Variants in ALG5 observed in about 807,000 individuals in gnomAD.
ALG5 encodes dolichyl-phosphate beta-glucosyltransferase.
ALG5 carries 26 observed loss-of-function variants against 51.8 expected under a neutral mutation model. The ratio of observed to expected loss-of-function variants is 0.50; its 90% CI spans 0.37 to 0.70. ALG5 has a LOEUF of 0.70. ALG5 is among the 30% of genes least tolerant of loss of function. The pLI is 0.00. For missense variants in ALG5, 311 were observed against 399.3 expected (o/e 0.78, Z 1.88); for synonymous variants, 141 against 136.1 (o/e 1.04, Z -0.25).
intron 8 of ALG5, among the ~76,000 whole-genome samples, chr13:36,965,046 TGAA>T (rs1309620511): frequency 1.3e-5 from 2 of 151,800 alleles, no homozygotes; most frequent in East Asian, 3.9e-4. Flanking sequence ...AGGTTGCTTG[TGAA>T]GGAGACAGGG....
chr13:36,956,307 AT>A (rs2058839463), intron 8 of ALG5, among the ~76,000 whole-genome samples: 1 of 152,196 alleles, frequency 6.6e-6, no homozygotes, highest in East Asian at 1.9e-4. Flanking sequence ...CAGAATGGCC[AT>A]TATAAAAAAG....
intron 9 of ALG5, among the ~76,000 whole-genome samples, 163 bp downstream of exon 9, chr13:36,952,351 G>A (rs981385210): frequency 2.6e-5 from 4 of 152,188 alleles, no homozygotes; most frequent in African/African-American, 9.7e-5. Context: ...AAGCCAGATG[G>A]AAGGTATTAG....
At chr13:36,961,502 T>C (rs1424500750) in intron 8 of ALG5, among the ~76,000 whole-genome samples, 1 of 152,188 alleles carries the variant, frequency 6.6e-6, no homozygotes, top group Non-Finnish European at 1.5e-5. Context: ...TATGAGAGTA[T>C]GTGCATAGGT....
chr13:36,997,806 T>A (rs1365793661), intron 1 of ALG5, among the ~76,000 whole-genome samples: 3 of 152,162 alleles, frequency 2.0e-5, no homozygotes, highest in Admixed American at 1.3e-4. Flanking sequence ...GGTGAGACTG[T>A]GAGTAATGGA....
chr13:36,965,855 G>C, intron 7 of ALG5, 129 bp from the exon 8 acceptor site: 1 of 736,056 alleles, frequency 1.4e-6, no homozygotes, highest in Non-Finnish European at 2.1e-6. Flanking sequence ...GAACACCACT[G>C]TTCCATGAGC....
At chr13:36,986,104 C>T (rs560365754) in intron 5 of ALG5, among the ~76,000 whole-genome samples, 5 of 152,194 alleles carry the variant, frequency 3.3e-5, no homozygotes, top group East Asian at 3.9e-4. Flanking sequence ...AAATGAATTA[C>T]GGGCTACTTA....
chr13:36,965,882 A>C (rs1269440108), intron 7 of ALG5, among the ~76,000 whole-genome samples, 156 bp from the exon 8 acceptor site: 1 of 152,198 alleles, frequency 6.6e-6, no homozygotes, highest in Non-Finnish European at 1.5e-5. Flanking sequence ...AACAAAGTAT[A>C]TTAAAGAAAC....
At chr13:36,990,528 A>C (rs1322386948) in intron 4 of ALG5, among the ~76,000 whole-genome samples, 1 of 152,232 alleles carries the variant, frequency 6.6e-6, no homozygotes, top group Admixed American at 6.5e-5. Context: ...ACCCCTGGCC[A>C]TCTTCTCTTC....
intron 1 of ALG5, among the ~76,000 whole-genome samples, chr13:36,997,490 A>G (rs1278616746): frequency 4.4e-5 from 6 of 137,534 alleles, no homozygotes; most frequent in Non-Finnish European, 9.6e-5. Flanking sequence ...AAAAAAAAAG[A>G]CAAGGAAAAG....
intron 6 of ALG5, among the ~76,000 whole-genome samples, chr13:36,979,361 G>A (rs2058968442): frequency 6.6e-6 from 1 of 152,132 alleles, no homozygotes; most frequent in Non-Finnish European, 1.5e-5. Flanking sequence ...GACTTTGGAG[G>A]TTGAGTTCTC....
chr13:36,958,291 TAGG>T (rs565336335), intron 8 of ALG5, among the ~76,000 whole-genome samples: 28 of 152,246 alleles, frequency 1.8e-4, no homozygotes, highest in South Asian at 6.2e-4. Flanking sequence ...CCCCAATGTA[TAGG>T]AGTTTTTCTA....
At chr13:36,953,058 G>C (rs1453882328) in intron 8 of ALG5, among the ~76,000 whole-genome samples, 1 of 152,118 alleles carries the variant, frequency 6.6e-6, no homozygotes, top group Non-Finnish European at 1.5e-5. Flanking sequence ...TCTACCATCA[G>C]AGGATCCAGA....
intron 6 of ALG5, among the ~76,000 whole-genome samples, chr13:36,973,660 A>C (rs758559343): frequency 5.9e-5 from 9 of 152,214 alleles, no homozygotes; most frequent in Non-Finnish European, 1.2e-4. Flanking sequence ...AGACAAAAAA[A>C]CTGGGGGAAA....
At chr13:36,976,951 TACATAAAAAAGA>T in intron 6 of ALG5, among the ~76,000 whole-genome samples, 1 of 152,280 alleles carries the variant, frequency 6.6e-6, no homozygotes, top group Non-Finnish European at 1.5e-5. Flanking sequence ...TATTGAGTAA[TACATAAAAAAGA>T]ACATACTTCT....
At chr13:36,959,275 G>T (rs1224328705) in intron 8 of ALG5, among the ~76,000 whole-genome samples, 4 of 151,512 alleles carry the variant, frequency 2.6e-5, no homozygotes, top group African/African-American at 4.8e-5. Flanking sequence ...GTTTTTTTTT[G>T]GAGATCTATT....
intron 5 of ALG5, among the ~76,000 whole-genome samples, chr13:36,988,748 T>C (rs1306220923): frequency 6.6e-6 from 1 of 152,226 alleles, no homozygotes; most frequent in Non-Finnish European, 1.5e-5. Context: ...ACGTGATGGC[T>C]AGTGCTCCAG....
At chr13:36,983,636 A>G (rs1269407773) in intron 6 of ALG5, among the ~76,000 whole-genome samples, 1 of 152,154 alleles carries the variant, frequency 6.6e-6, no homozygotes, top group Non-Finnish European at 1.5e-5. Flanking sequence ...CTGAGGAACT[A>G]AATTTTCATT....
intron 5 of ALG5, among the ~76,000 whole-genome samples, chr13:36,987,473 A>G (rs1215455578): frequency 6.6e-6 from 1 of 152,128 alleles, no homozygotes; most frequent in African/African-American, 2.4e-5. Flanking sequence ...GCAAGTTTTC[A>G]TGAGATCTGG....
At chr13:36,969,142 A>G (rs2058909142) in intron 7 of ALG5, among the ~76,000 whole-genome samples, 1 of 152,220 alleles carries the variant, frequency 6.6e-6, no homozygotes, top group South Asian at 2.1e-4. Context: ...GTACTAGGTA[A>G]AAGATTTAGA....
Sources: allele counts gnomAD v4.1 joint callset (sites outside exome capture counted in the v4.1 genomes callset), GRCh38; gene constraint gnomAD v4.1.1; transcripts MANE v1.5; gene names NCBI Gene and HGNC (gene_info 2026-07-23, HGNC 2026-07-21).